The following POU3F3 variants were observed in gnomAD, a reference collection of about 807,000 sequenced individuals.
POU3F3 encodes the protein POU domain, class 3, transcription factor 3.
In POU3F3, 1 loss-of-function variant was observed where a neutral mutation model predicts 8.6. The ratio of observed to expected loss-of-function variants is 0.12; its 90% CI spans 0.04 to 0.55. The LOEUF is 0.55. Ranked by LOEUF, POU3F3 falls within the 20% of genes least tolerant of loss-of-function variation. POU3F3 has a pLI of 0.91. For synonymous variants in POU3F3, 418 were observed against 327.4 expected (o/e 1.28, Z -2.99); for missense variants, 577 against 690.7 (o/e 0.84, Z 1.84).
chr2:104,926,206 C>G, the POU3F3 span, among the ~76,000 whole-genome samples: 1 of 152,330 alleles, frequency 6.6e-6, no homozygotes, highest in South Asian at 2.1e-4. Context: ...ATCTATCTAT[C>G]TGACAAAGGG....
At chr2:104,907,499 C>T in the POU3F3 span, among the ~76,000 whole-genome samples, 1 of 152,192 alleles carries the variant, frequency 6.6e-6, no homozygotes, top group South Asian at 2.1e-4. Context: ...TAGCTACGTC[C>T]CTAGGGCTTG....
At chr2:104,918,543 C>T in the POU3F3 span, among the ~76,000 whole-genome samples, 12 of 152,146 alleles carry the variant, frequency 7.9e-5, no homozygotes, top group Non-Finnish European at 1.6e-4. Context: ...AACACAGGTA[C>T]ACACAGGGAG....
chr2:104,895,868 G>C, the POU3F3 span, among the ~76,000 whole-genome samples: 2 of 152,228 alleles, frequency 1.3e-5, no homozygotes, highest in African/African-American at 2.4e-5. Context: ...AGAAGCATCT[G>C]ACCTGGAAGA....
chr2:104,871,053 A>G, the POU3F3 span, among the ~76,000 whole-genome samples: 2 of 152,178 alleles, frequency 1.3e-5, no homozygotes, highest in Non-Finnish European at 2.9e-5. Context: ...CCTTCCAAAC[A>G]TCCCAATAGC....
rs1413828402 is a variant in POU3F3 at position 104,856,259 on chromosome 2, G to C, written c.749G>C (p.Gly250Ala). The change falls in exon 1 of 1, where the codon GGA becomes GCA. Residue 250 changes from glycine (G) to alanine (A), a missense_variant. This residue lies in a region of POU3F3 where 484 missense variants were observed against 422.6 expected (regional missense o/e 1.15). Coordinates refer to ENST00000361360, the MANE Select transcript of POU3F3 (RefSeq NM_006236.3). ...GGCGGCGGCGGCGGCGCGGGCGGTG[G>C]AGCCCAGAGCTTGGTGCACCCGGGG... ...PGGGGGGAGG[G>A]AQSLVHPGLV... 3.8e-6 allele frequency: 5 copies of C among 1,324,700 alleles called. No homozygotes were observed. Among genetic ancestry groups the C allele is most frequent in the Non-Finnish European group, 9.5e-7 (1 of 1,047,358 alleles). The allele number at this position is 1,324,700 out of a possible 1,614,324, so 82.1% of individuals were successfully genotyped here.
the POU3F3 span, among the ~76,000 whole-genome samples, chr2:104,911,622 C>T: frequency 6.6e-6 from 1 of 151,980 alleles, no homozygotes; most frequent in Admixed American, 6.6e-5. Context: ...ACTTGAAAAG[C>T]CCTACATACC....
At chr2:104,871,168 A>AG in the POU3F3 span, among the ~76,000 whole-genome samples, 1 of 152,194 alleles carries the variant, frequency 6.6e-6, no homozygotes, top group African/African-American at 2.4e-5. Flanking sequence ...CTCCATCCCA[A>AG]TTCTGCATCC....
At chr2:104,890,782 C>T in the POU3F3 span, among the ~76,000 whole-genome samples, 3 of 152,224 alleles carry the variant, frequency 2.0e-5, no homozygotes, top group Non-Finnish European at 4.4e-5. Context: ...TCCTACCCCA[C>T]CTGTCCCACC....
At chr2:104,894,985 G>C in the POU3F3 span, among the ~76,000 whole-genome samples, 4 of 151,898 alleles carry the variant, frequency 2.6e-5, no homozygotes, top group African/African-American at 9.7e-5. Flanking sequence ...ATTTTATTTA[G>C]AGCTTTACAA....
chr2:104,855,410 AGGCGGGG>A lies in POU3F3; in HGVS notation c.-96_-90del, dbSNP rs1262297385. 2 of 312,684 alleles carry A rather than the reference AGGCGGGG, an allele frequency of 6.4e-6. No homozygotes were observed. The highest frequency in any genetic ancestry group is 3.8e-4 in the Admixed American group (1 of 2,602). 19.4% of individuals were successfully genotyped at this position (312,684 alleles called of 1,614,324 possible). A position where few individuals can be genotyped will look rare whatever the true frequency, so the allele number is the denominator to read the frequency against. ...GGGAAGGAGGGGGGGAGGAGGCGGG[AGGCGGGG>A]GGCGCGGCGGCGGCGGCGGCGGCGG... is the stretch of plus-strand genomic sequence containing the variant. On this transcript the variant is annotated 5_prime_UTR_variant, in exon 1 of 1. Coordinates refer to ENST00000361360, the MANE Select transcript of POU3F3 (RefSeq NM_006236.3).
chr2:104,910,216 G>T, the POU3F3 span, among the ~76,000 whole-genome samples: 1 of 152,068 alleles, frequency 6.6e-6, no homozygotes, highest in Non-Finnish European at 1.5e-5. Context: ...TCTTTATGGG[G>T]TTCAAGCTCT....
the POU3F3 span, among the ~76,000 whole-genome samples, chr2:104,900,756 A>G: frequency 6.6e-6 from 1 of 152,188 alleles, no homozygotes; most frequent in Admixed American, 6.5e-5. Context: ...TCACCAGGCA[A>G]TATTGCAAGG....
the POU3F3 span, among the ~76,000 whole-genome samples, chr2:104,881,303 G>A: frequency 6.6e-6 from 1 of 151,894 alleles, no homozygotes; most frequent in African/African-American, 2.4e-5. Context: ...GACCTCAGGT[G>A]TACACCACCA....
At chr2:104,859,692 T>C (rs1224828182), downstream of POU3F3, among the ~76,000 whole-genome samples, 1 of 152,152 alleles carries the variant, frequency 6.6e-6, no homozygotes, top group Non-Finnish European at 1.5e-5. Flanking sequence ...ATGTATTGGG[T>C]TGCATTATTT....
chr2:104,917,734 G>A, the POU3F3 span, among the ~76,000 whole-genome samples: 1 of 152,090 alleles, frequency 6.6e-6, no homozygotes, highest in African/African-American at 2.4e-5. Flanking sequence ...TGAATAAGCA[G>A]CCCAGTACTA....
the POU3F3 span, among the ~76,000 whole-genome samples, chr2:104,870,977 T>C: frequency 6.6e-6 from 1 of 152,156 alleles, no homozygotes; most frequent in Admixed American, 6.5e-5. Context: ...AAAAAGAAAA[T>C]TCAAAACATA....
the POU3F3 span, chr2:104,925,986 G>A: frequency 6.6e-6 from 1 of 152,196 alleles, no homozygotes; most frequent in African/African-American, 2.4e-5. Flanking sequence ...AGATCAAGGT[G>A]CTGCCGGATT....
the POU3F3 span, among the ~76,000 whole-genome samples, chr2:104,883,711 A>C: frequency 6.6e-6 from 1 of 152,204 alleles, no homozygotes; most frequent in African/African-American, 2.4e-5. Flanking sequence ...ATGTCAGAAA[A>C]TCAGCATATT....
chr2:104,895,062 A>AGTGTGTGT, the POU3F3 span, among the ~76,000 whole-genome samples: 125 of 149,374 alleles, frequency 8.4e-4, 2 homozygotes, highest in African/African-American at 2.8e-3. Flanking sequence ...TGCACAGGTG[A>AGTGTGTGT]GTGTGTGTGT....
Sources: allele counts gnomAD v4.1 joint callset (sites outside exome capture counted in the v4.1 genomes callset), GRCh38; gene constraint gnomAD v4.1.1; regional missense constraint gnomAD v4.1.1; transcripts MANE v1.5; gene names NCBI Gene and HGNC (gene_info 2026-07-23, HGNC 2026-07-21).